CDK12: variants seen among roughly 807,000 people sequenced by gnomAD.
CDK12 encodes the protein cyclin dependent kinase 12.
In CDK12, 17 loss-of-function variants were observed where a neutral mutation model predicts 133.8. That is an observed-to-expected ratio of 0.13 (90% CI 0.09 to 0.19). The LOEUF (loss-of-function observed/expected upper bound fraction) is 0.19, where lower values mean the gene tolerates loss of function less well. Ranked by LOEUF, CDK12 falls within the 10% of genes least tolerant of loss-of-function variation. The pLI is 1.00. For missense variants in CDK12, 1,508 were observed against 1,818.7 expected (o/e 0.83, Z 3.11); for synonymous variants, 694 against 683.6 (o/e 1.02, Z -0.24).
chr17:39,520,580 G>A (rs1223932038), intron 11 of CDK12, among the ~76,000 whole-genome samples: 11 of 151,788 alleles, frequency 7.2e-5, no homozygotes, highest in Admixed American at 7.2e-4. Context: ...TAGTAGAGAC[G>A]GGGTTACACC....
chr17:39,500,133 C>T (rs2052611842), intron 5 of CDK12, among the ~76,000 whole-genome samples: 1 of 152,108 alleles, frequency 6.6e-6, no homozygotes, highest in Admixed American at 6.6e-5. Context: ...GTTAAGAGAC[C>T]AGCCTGGGTA....
At chr17:39,515,193 C>T in intron 8 of CDK12, among the ~76,000 whole-genome samples, 1 of 152,074 alleles carries the variant, frequency 6.6e-6, no homozygotes, top group Admixed American at 6.6e-5. Context: ...GCCTGGGTGA[C>T]AGAGTGAGAC....
At chr17:39,508,958 A>C (rs2053307120) in intron 6 of CDK12, among the ~76,000 whole-genome samples, 1 of 148,040 alleles carries the variant, frequency 6.8e-6, no homozygotes, top group East Asian at 2.0e-4. Flanking sequence ...GGGTTACACC[A>C]TTGCACTCCA....
chr17:39,466,571 A>AATAAT (rs1217367501), intron 1 of CDK12, among the ~76,000 whole-genome samples: 1 of 132,510 alleles, frequency 7.5e-6, no homozygotes, highest in East Asian at 2.5e-4. Context: ...CCGCGATTGC[A>AATAAT]ATAATTGCAC....
Position 39,530,627 on chromosome 17 carries a change from C to T in CDK12, c.3784C>T (p.Pro1262Ser), listed in dbSNP as rs1391802864. 4 of 1,602,892 alleles carry T rather than the reference C, an allele frequency of 2.5e-6. No homozygotes were observed. Among genetic ancestry groups the T allele is most frequent in the Non-Finnish European group, 8.5e-7 (1 of 1,173,282 alleles). Residue 1262 changes from proline to serine, a missense_variant, in exon 14 of 14, where the codon CCA (proline) becomes TCA (serine). Coordinates refer to ENST00000447079, the MANE Select transcript of CDK12 (RefSeq NM_016507.4). ...AGCATGTCCTCCTCACATTCTTCCA[C>T]CAGAGAAGAGGCCCCCTGAGCCCCC... ...AAACPPHILP[P>S]EKRPPEPPGP...
chr17:39,551,435 A>T (rs1277297672), intron 2 of CDK12, among the ~76,000 whole-genome samples: 1 of 151,454 alleles, frequency 6.6e-6, no homozygotes, highest in Non-Finnish European at 1.5e-5. Flanking sequence ...TGCATTATTT[A>T]CCCCACCTCC....
Position 39,471,214 on chromosome 17 carries a change from A to C in CDK12, c.1382A>C (p.Glu461Ala), listed in dbSNP as rs187768695. 1.3e-6 allele frequency: 2 copies of C among 1,594,706 alleles called. No individual in the cohort carries two copies. The highest frequency in any genetic ancestry group is 3.6e-5 in the Admixed American group (2 of 54,996). ...TTGGAAAAATCTGCCCCAGATACTG[A>C]ACTGGTGAATGTAACACATCTAAAC... is the stretch of plus-strand genomic sequence containing the variant. ...VKLEKSAPDT[E>A]LVNVTHLNTE... The change falls in exon 2 of 14, where the codon GAA becomes GCA. Residue 461 changes from glutamate to alanine, a missense_variant. Glu to Ala is a moderately radical substitution (Grantham distance 107). Transcript: ENST00000447079.
rs1315748027 is a variant in CDK12 at position 39,524,867 on chromosome 17, G to T, written c.3289G>T (p.Gly1097Trp). 6.2e-7 allele frequency: 1 copy of T among 1,613,642 alleles called. No homozygotes were observed. Among genetic ancestry groups the T allele is most frequent in the African/African-American group, 1.3e-5 (1 of 74,928 alleles). The change falls in exon 12 of 14, where the codon GGG (glycine) becomes TGG (tryptophan). Residue 1097 changes from glycine (G) to tryptophan (W), a missense_variant. By Grantham distance (184) the Gly-to-Trp change is radical. Around this residue, in one of 9 missense-constraint regions of CDK12, gnomAD observed 399 missense variants for 469.6 expected, o/e 0.85. Coordinates refer to ENST00000447079, the MANE Select transcript of CDK12 (RefSeq NM_016507.4). ...GCCTGCTCCTGGCAAGGTGGAGTCT[G>T]GGGCTGGGGATGCAATAGGTCAGTG... ...PQPAPGKVES[G>W]AGDAIGLADI...
Position 39,482,017 on chromosome 17 carries a change from T to A in CDK12, c.1932-8540T>A, listed in dbSNP as rs1265062693. ...TTACAGGCATGAGCCTGGCTTGCCT[T>A]TTTTTTTTTTTTTTAACAGAGTTTC... On this transcript the variant is annotated intron_variant, in intron 2 of 13. Coordinates refer to ENST00000447079, the MANE Select transcript of CDK12 (RefSeq NM_016507.4). Among the ~76,000 whole-genome samples, 11 of 135,378 alleles carry A rather than the reference T, an allele frequency of 8.1e-5. 1 individual carries two copies. The highest frequency in any genetic ancestry group is 2.6e-4 in the South Asian group (1 of 3,900). The allele number at this position is 135,378 out of a possible 152,430, so 88.8% of individuals were successfully genotyped here. A position where few individuals can be genotyped will look rare whatever the true frequency, so the allele number is the denominator to read the frequency against.
At chr17:39,563,467 C>CCG (rs1355986356) in intron 3 of CDK12, among the ~76,000 whole-genome samples, 1 of 74,304 alleles carries the variant, frequency 1.3e-5, no homozygotes, top group African/African-American at 4.9e-5. Flanking sequence ...CTTCCCGCCC[C>CCG]CCCCCCGCCC....
chr17:39,492,676 T>TG, intron 3 of CDK12, 75 bp from the exon 4 acceptor site: 2 of 1,151,188 alleles, frequency 1.7e-6, no homozygotes, highest in Non-Finnish European at 1.2e-6. Flanking sequence ...CCCAAAGTGC[T>TG]GGGATTACAG....
At chr17:39,537,407 A>G (rs2055181312), downstream of CDK12, among the ~76,000 whole-genome samples, 1 of 152,152 alleles carries the variant, frequency 6.6e-6, no homozygotes, top group Non-Finnish European at 1.5e-5. Flanking sequence ...ACTAGTGTTA[A>G]TATTTATAAT....
At chr17:39,500,280 A>G (rs960295722) in intron 5 of CDK12, among the ~76,000 whole-genome samples, 1 of 152,036 alleles carries the variant, frequency 6.6e-6, no homozygotes, top group Non-Finnish European at 1.5e-5. Context: ...GTAGTGAGCC[A>G]TGATCATGCC....
chr17:39,480,286 CAG>C (rs1268486137), intron 2 of CDK12, among the ~76,000 whole-genome samples: 4 of 142,818 alleles, frequency 2.8e-5, no homozygotes, highest in Admixed American at 1.4e-4. Flanking sequence ...TTTTCCGAGA[CAG>C]AGTCTTACTT....
rs1293608028 is a variant in CDK12 at position 39,532,189 on chromosome 17, G to A, written c.*873G>A. The stretch of plus-strand genomic sequence containing the variant: ...CTGTTTCTCTCTCTTTGAGGCATTT[G>A]TTTGGAAAAAATCGTTGAGATGCCC... On this transcript the variant is annotated 3_prime_UTR_variant, in exon 14 of 14. Transcript: ENST00000447079. 8.7e-6 allele frequency: 2 copies of A among 228,886 alleles called. No homozygotes were observed. Among genetic ancestry groups the A allele is most frequent in the Non-Finnish European group, 1.7e-5 (2 of 116,692 alleles). The allele number at this position is 228,886 out of a possible 1,614,324, so 14.2% of individuals were successfully genotyped here. A position where few individuals can be genotyped will look rare whatever the true frequency, so the allele number is the denominator to read the frequency against.
intron 6 of CDK12, among the ~76,000 whole-genome samples, chr17:39,506,496 G>T (rs528676127): frequency 6.6e-6 from 1 of 152,122 alleles, no homozygotes; most frequent in Non-Finnish European, 1.5e-5. Context: ...GATTACAGAC[G>T]CGAGCCACCA....
At chr17:39,515,897 G>GT (rs1324782291) in intron 9 of CDK12, 89 bp downstream of exon 9, 2 of 822,440 alleles carry the variant, frequency 2.4e-6, no homozygotes, top group Non-Finnish European at 3.9e-6. Context: ...TTCTGAATGA[G>GT]TTTATGTTTC....
At chr17:39,563,503 G>C (rs1298263500) in intron 3 of CDK12, among the ~76,000 whole-genome samples, 1 of 115,344 alleles carries the variant, frequency 8.7e-6, no homozygotes, top group Non-Finnish European at 1.6e-5. Flanking sequence ...GAAAAACTTG[G>C]TATCTGTGCC....
At chr17:39,557,223 C>T (rs562662839) in intron 3 of CDK12, among the ~76,000 whole-genome samples, 43 of 152,248 alleles carry the variant, frequency 2.8e-4, no homozygotes, top group African/African-American at 7.9e-4. Flanking sequence ...GACATGAAGC[C>T]GGCCGCTGAG....
Sources: gnomAD v4.1 joint callset for allele counts (sites outside exome capture counted in the v4.1 genomes callset) on GRCh38, gnomAD v4.1.1 for gene constraint, gnomAD v4.1.1 regional missense constraint, MANE v1.5 for transcripts, NCBI Gene and HGNC (gene_info 2026-07-23, HGNC 2026-07-21) for gene names.